VPS13C: variants seen among roughly 807,000 people sequenced by gnomAD.
The protein encoded by VPS13C is intermembrane lipid transfer protein VPS13C.
In VPS13C, 358 loss-of-function variants were observed where a neutral mutation model predicts 456.8. That is an observed-to-expected ratio of 0.78 (90% CI 0.72 to 0.86). VPS13C has a LOEUF of 0.86. VPS13C is among the 40% of genes least tolerant of loss of function. The pLI, the probability that VPS13C is intolerant of heterozygous loss-of-function variation, is 0.00. For missense variants in VPS13C, 4,818 were observed against 4,385.4 expected (o/e 1.10, Z -2.79); for synonymous variants, 1,578 against 1,486.7 (o/e 1.06, Z -1.41).
At chr15:61,920,767 T>C in intron 55 of VPS13C, 120 bp from the exon 56 acceptor site, 1 of 829,366 alleles carries the variant, frequency 1.2e-6, no homozygotes. Flanking sequence ...AAAAGTCTTA[T>C]TTTCAAAAAT....
intron 50 of VPS13C, 106 bp from the exon 51 acceptor site, chr15:61,929,854 A>C (rs768700392): frequency 8.6e-7 from 1 of 1,163,206 alleles, no homozygotes; most frequent in South Asian, 1.7e-5. Flanking sequence ...TTCAGTTTCT[A>C]ATCTGTATAG....
At chr15:61,906,920 C>A in intron 66 of VPS13C, 1 of 226,116 alleles carries the variant, frequency 4.4e-6, no homozygotes, top group Non-Finnish European at 8.8e-6. Flanking sequence ...GCTTTAAAAA[C>A]TCATAGCCAA....
Position 61,963,902 on chromosome 15 carries a change from G to A in VPS13C, c.3264C>T (p.Ala1088=), listed in dbSNP as rs773858619. ...CAATGACACAGAAAGCATTCAACTTGGCAAATAGCCTGAAATCAATAATGT... is the reference window on the plus strand; with the variant it reads ...CAATGACACAGAAAGCATTCAACTTAGCAAATAGCCTGAAATCAATAATGT... ...DSDIIDFRLF[A]KLNAFCVIVC... Residue 1088 remains alanine (A), a synonymous_variant, in exon 32 of 85, where the codon GCC becomes GCT. Coordinates refer to ENST00000644861, the MANE Select transcript of VPS13C (RefSeq NM_020821.3). The A allele has an allele frequency of 6.2e-7, 1 of 1,611,926 alleles. No homozygotes were observed.
At chr15:61,972,602 T>C (rs764626894) in intron 27 of VPS13C, 23 bp downstream of exon 27, 2 of 1,609,586 alleles carry the variant, frequency 1.2e-6, no homozygotes, top group Non-Finnish European at 8.5e-7. Context: ...AATATATCTA[T>C]TTATAGACAA....
Position 62,023,782 on chromosome 15 carries a change from T to G in VPS13C, c.512A>C (p.Lys171Thr), listed in dbSNP as rs1158545022. ...GGCATAAAACTACTTTTACCTACCT[T>G]TTGAACGATCAAGACCTTTAAAAGG... ...KKPFKGLDRS[K>T]DKPKEAKKDT... is the part of the protein sequence containing the mutation. The change falls in exon 7 of 85, where the codon AAA (lysine) becomes ACA (threonine). Residue 171 changes from lysine (K) to threonine (T), a missense_variant and splice_region_variant. This residue lies in a region of VPS13C where 4,552 missense variants were observed against 4,130.6 expected (regional missense o/e 1.10). Coordinates refer to ENST00000644861, the MANE Select transcript of VPS13C (RefSeq NM_020821.3). 6.2e-7 allele frequency: 1 copy of G among 1,610,028 alleles called. No individual in the cohort carries two copies. Among genetic ancestry groups the G allele is most frequent in the Non-Finnish European group, 8.5e-7 (1 of 1,177,642 alleles).
intron 18 of VPS13C, among the ~76,000 whole-genome samples, 159 bp downstream of exon 18, chr15:61,990,841 G>T (rs561118321): frequency 1.4e-4 from 21 of 152,134 alleles, no homozygotes; most frequent in African/African-American, 5.1e-4. Context: ...GTTAGAGAGA[G>T]AATTTTAATT....
intron 47 of VPS13C, among the ~76,000 whole-genome samples, chr15:61,936,973 C>G (rs1348070581): frequency 2.6e-5 from 4 of 152,188 alleles, no homozygotes; most frequent in Non-Finnish European, 5.9e-5. Context: ...CTCTGGCACT[C>G]CAACACTCTC....
At chr15:61,958,778 C>T in intron 36 of VPS13C, 62 bp from the exon 37 acceptor site, 1 of 902,928 alleles carries the variant, frequency 1.1e-6, no homozygotes, top group Non-Finnish European at 1.6e-6. Context: ...AATTTTAATA[C>T]AGAAAATAAA....
intron 46 of VPS13C, 100 bp from the exon 47 acceptor site, chr15:61,940,894 C>G: frequency 1.7e-6 from 2 of 1,184,680 alleles, no homozygotes; most frequent in South Asian, 1.8e-5. Context: ...TTCATAAAGG[C>G]TAAAAGCTGC....
chr15:62,040,418 T>C (rs1421658126), intron 3 of VPS13C, among the ~76,000 whole-genome samples: 3 of 152,174 alleles, frequency 2.0e-5, no homozygotes, highest in African/African-American at 7.2e-5. Context: ...TTTACCCCGA[T>C]GTGATTATTA....
chr15:61,970,485 G>C (rs900359609), intron 27 of VPS13C, among the ~76,000 whole-genome samples: 3 of 152,096 alleles, frequency 2.0e-5, no homozygotes, highest in Admixed American at 2.0e-4. Flanking sequence ...TACATACTTA[G>C]GTAACACTTT....
At chr15:61,945,052 T>G (rs1351313748) in intron 45 of VPS13C, among the ~76,000 whole-genome samples, 1 of 152,162 alleles carries the variant, frequency 6.6e-6, no homozygotes, top group Admixed American at 6.5e-5. Flanking sequence ...TAGTGAGTTC[T>G]CATGAGATCT....
At chr15:61,927,506 G>A (rs2043896375) in intron 51 of VPS13C, 186 bp from the exon 52 acceptor site, 4 of 577,510 alleles carry the variant, frequency 6.9e-6, no homozygotes, top group South Asian at 4.3e-5. Context: ...GATTGAGCAA[G>A]ATAAGGCAAT....
chr15:61,997,730 G>C (rs74019288), intron 16 of VPS13C, among the ~76,000 whole-genome samples: 1 of 152,138 alleles, frequency 6.6e-6, no homozygotes, highest in African/African-American at 2.4e-5. Flanking sequence ...AGTATATCTA[G>C]AATCTGACCC....
intron 9 of VPS13C, among the ~76,000 whole-genome samples, chr15:62,019,441 C>T (rs1006951648): frequency 6.6e-6 from 1 of 151,966 alleles, no homozygotes; most frequent in African/African-American, 2.4e-5. Context: ...TGCAAATTTC[C>T]CTCTACACAC....
In VPS13C at chr15:62,035,595, G is replaced by A. The variant is rs181019875; in HGVS notation, c.188-543C>T. Among the ~76,000 whole-genome samples the A allele has an allele frequency of 3.9e-5, 6 of 152,058 alleles. No individual in the cohort carries two copies. The East Asian group carries it at 1.2e-3, about 29-fold the overall frequency. ...CAGCAACACAGAGAAGAGATGCAAA[G>A]GAACTTTGTGCAAATGGAATTTTGA... On this transcript the variant is annotated intron_variant, in intron 3 of 84. Coordinates refer to ENST00000644861, the MANE Select transcript of VPS13C (RefSeq NM_020821.3).
intron 3 of VPS13C, among the ~76,000 whole-genome samples, 169 bp downstream of exon 3, chr15:62,041,155 A>G (rs1351244323): frequency 6.6e-6 from 1 of 152,176 alleles, no homozygotes; most frequent in Non-Finnish European, 1.5e-5. Flanking sequence ...AGAAGTATGT[A>G]CGTTTTATAT....
rs1895632274 is a variant in VPS13C, at chr15:61,878,641, C to G, written c.10108G>C (p.Ala3370Pro). 1 of 1,611,516 alleles carries G rather than the reference C, an allele frequency of 6.2e-7. No homozygotes were observed. Residue 3370 changes from alanine (A) to proline (P), a missense_variant, in exon 74 of 85, where the codon GCT (alanine) becomes CCT (proline). Physicochemically the swap from Ala to Pro is conservative, Grantham distance 27. Around this residue, in one of 3 missense-constraint regions of VPS13C, gnomAD observed 4,552 missense variants for 4,130.6 expected, o/e 1.10. Coordinates refer to ENST00000644861, the MANE Select transcript of VPS13C (RefSeq NM_020821.3). ...AGGTCATCCACATCAGTCAGAGTAG[C>G]ACCTATGCTTTTCAACAGCAAGTTG... The part of the protein sequence containing the change: ...SVNLLLKSIG[A>P]TLTDVDDLIF...
chr15:61,965,660 G>A (rs2045354463), intron 30 of VPS13C, among the ~76,000 whole-genome samples: 1 of 151,832 alleles, frequency 6.6e-6, no homozygotes, highest in Non-Finnish European at 1.5e-5. Context: ...TTACCCATAA[G>A]TACATTTTGC....
Sources: gnomAD v4.1 joint callset for allele counts (sites outside exome capture counted in the v4.1 genomes callset) on GRCh38, gnomAD v4.1.1 for gene constraint, gnomAD v4.1.1 regional missense constraint, MANE v1.5 for transcripts, NCBI Gene and HGNC (gene_info 2026-07-23, HGNC 2026-07-21) for gene names.